DIP2C: variants seen among roughly 807,000 people sequenced by gnomAD.
The protein encoded by DIP2C is DIP2 acetate--CoA ligase C (putative).
In DIP2C, 33 loss-of-function variants were observed where a neutral mutation model predicts 192.4. The ratio of observed to expected loss-of-function variants is 0.17; its 90% CI spans 0.13 to 0.23. The LOEUF is 0.23. Among genes scored for constraint, DIP2C ranks in the 10% least tolerant of loss-of-function variants. The pLI, the probability that DIP2C is intolerant of heterozygous loss-of-function variation, is 1.00. For synonymous variants in DIP2C, 979 were observed against 864.1 expected, an observed-to-expected ratio of 1.13 and a Z score of -2.33; for missense variants, 1,537 against 2,110.1, an observed-to-expected ratio of 0.73 and a Z score of 5.32.
At chr10:677,947 G>A (rs898212327) in intron 1 of DIP2C, among the ~76,000 whole-genome samples, 5 of 152,228 alleles carry the variant, frequency 3.3e-5, no homozygotes, top group Admixed American at 6.5e-5. Context: ...GATGCCCCAC[G>A]TCACCAGTCC....
At chr10:324,229 T>G (rs1280707356) in intron 31 of DIP2C, among the ~76,000 whole-genome samples, 3 of 152,230 alleles carry the variant, frequency 2.0e-5, no homozygotes, top group African/African-American at 7.2e-5. Context: ...GGCACAAACT[T>G]TGTCATAAGT....
At chr10:488,880 C>A (rs61311809) in intron 1 of DIP2C, among the ~76,000 whole-genome samples, 25,162 of 152,138 alleles carry the variant, frequency 0.17, 4,052 homozygotes, top group African/African-American at 0.42. Context: ...CCAGGGTGCT[C>A]CTGCGTGTAC....
At chr10:378,352 T>G (rs1027578625) in intron 17 of DIP2C, among the ~76,000 whole-genome samples, 8 of 152,132 alleles carry the variant, frequency 5.3e-5, no homozygotes, top group Non-Finnish European at 1.2e-4. Flanking sequence ...CAGACACACA[T>G]GAAGGCACAC....
chr10:297,557 G>A (rs980326806), intron 32 of DIP2C, among the ~76,000 whole-genome samples: 6 of 152,160 alleles, frequency 3.9e-5, no homozygotes, highest in Non-Finnish European at 7.4e-5. Flanking sequence ...TAAATAAAGT[G>A]AAATAAGCCA....
chr10:400,734 G>A (rs1242162940), intron 9 of DIP2C, among the ~76,000 whole-genome samples: 2 of 150,300 alleles, frequency 1.3e-5, no homozygotes, highest in African/African-American at 5.0e-5. Flanking sequence ...GGTAGCATTA[G>A]CATTACTCTT....
At chr10:480,204 G>A (rs1327638356) in intron 2 of DIP2C, among the ~76,000 whole-genome samples, 3 of 147,164 alleles carry the variant, frequency 2.0e-5, no homozygotes, top group Non-Finnish European at 3.0e-5. Flanking sequence ...CTGGATGAGG[G>A]TCTCATCCAC....
At chr10:588,773 G>T (rs949999307) in intron 1 of DIP2C, among the ~76,000 whole-genome samples, 1 of 152,150 alleles carries the variant, frequency 6.6e-6, no homozygotes, top group African/African-American at 2.4e-5. Context: ...CTGCCAGGCT[G>T]GTACTCTCAC....
Position 344,935 on chromosome 10 carries a change from C to T in DIP2C, c.3344-17G>A. ...GCAAATCATCTGGAGAGGAACATGA[C>T]TATCAGCAGATCCAGCCTGAGCAAG... On this transcript the variant is annotated splice_polypyrimidine_tract_variant and intron_variant, in intron 27 of 36. Transcript: ENST00000280886. The T allele has an allele frequency of 1.2e-6, 2 of 1,603,784 alleles. No homozygotes were observed. The highest frequency in any genetic ancestry group is 1.7e-6 in the Non-Finnish European group (2 of 1,175,858).
chr10:650,541 G>A (rs1012193348), intron 1 of DIP2C: 39 of 656,028 alleles, frequency 5.9e-5, no homozygotes, highest in Middle Eastern at 5.0e-4. Context: ...CATGACAGCC[G>A]TGTCCCTGAG....
At chr10:331,119 G>C (rs567798967) in intron 29 of DIP2C, among the ~76,000 whole-genome samples, 26 of 151,706 alleles carry the variant, frequency 1.7e-4, no homozygotes. Context: ...AGAGGCCTAC[G>C]CAAAATTTTA....
At chr10:389,858 A>G (rs1206471635) in intron 13 of DIP2C, 133 bp downstream of exon 13, 7 of 731,764 alleles carry the variant, frequency 9.6e-6, no homozygotes, top group Admixed American at 7.5e-5. Flanking sequence ...TAACTCAACA[A>G]TAAGTTCATG....
rs1855903337 is a variant in DIP2C at position 651,509 on chromosome 10, CGTGAAG to C, written c.85+37979_85+37984del. The C allele has an allele frequency of 1.8e-6, 1 of 540,780 alleles. No homozygotes were observed. Among genetic ancestry groups the C allele is most frequent in the East Asian group, 3.5e-5 (1 of 28,282 alleles). The allele number at this position is 540,780 out of a possible 1,614,324, so 33.5% of individuals were successfully genotyped here. ...ACAATTATATGAAAATCCGTATCCACGTGAAGGTATTATGCAAAAAAAGCTTAACTT... is the reference window on the plus strand; with the variant it reads ...ACAATTATATGAAAATCCGTATCCACGTATTATGCAAAAAAAGCTTAACTT... On this transcript the variant is annotated intron_variant, in intron 1 of 36. Transcript: ENST00000280886. The surrounding 1 kb of genome is among the most constrained non-coding windows in gnomAD (Gnocchi z 4.1).
intron 1 of DIP2C, among the ~76,000 whole-genome samples, chr10:498,380 G>A (rs574089854): frequency 1.3e-5 from 2 of 152,264 alleles, no homozygotes; most frequent in East Asian, 3.9e-4. Flanking sequence ...AGAGCCCCTT[G>A]AATCTCCACA....
At chr10:495,301 T>C (rs1398560865) in intron 1 of DIP2C, among the ~76,000 whole-genome samples, 1 of 152,148 alleles carries the variant, frequency 6.6e-6, no homozygotes, top group Non-Finnish European at 1.5e-5. Flanking sequence ...GAATGTACAG[T>C]GTGGTAACTA....
chr10:470,382 G>A (rs117466879), intron 3 of DIP2C, among the ~76,000 whole-genome samples: 10 of 152,064 alleles, frequency 6.6e-5, no homozygotes, highest in Non-Finnish European at 4.4e-5. Context: ...CTGAAGTGTC[G>A]GTCTCCTCCA....
chr10:474,685 G>C (rs967945438), intron 2 of DIP2C, among the ~76,000 whole-genome samples: 8 of 152,330 alleles, frequency 5.3e-5, no homozygotes, highest in Non-Finnish European at 1.0e-4. Flanking sequence ...ACACTTGGGG[G>C]CCCCACACAT....
At chr10:507,470 C>G (rs1845691661) in intron 1 of DIP2C, among the ~76,000 whole-genome samples, 1 of 151,392 alleles carries the variant, frequency 6.6e-6, no homozygotes, top group African/African-American at 2.4e-5. Context: ...AGGTTACGGA[C>G]TTGGTCACTC....
At chr10:589,263 C>G (rs1851265083) in intron 1 of DIP2C, among the ~76,000 whole-genome samples, 1 of 152,110 alleles carries the variant, frequency 6.6e-6, no homozygotes, top group Non-Finnish European at 1.5e-5. Flanking sequence ...TTGTAGACAT[C>G]TTCTCCCTGT....
At chr10:577,270 A>G (rs1850227578) in intron 1 of DIP2C, among the ~76,000 whole-genome samples, 1 of 152,250 alleles carries the variant, frequency 6.6e-6, no homozygotes, top group South Asian at 2.1e-4. Context: ...GAGAACATGT[A>G]AATACAGTTT....
Sources: gnomAD v4.1 joint callset for allele counts (sites outside exome capture counted in the v4.1 genomes callset) on GRCh38, gnomAD v4.1.1 for gene constraint, Gnocchi (gnomAD v3.1) non-coding constraint, MANE v1.5 for transcripts, NCBI Gene and HGNC (gene_info 2026-07-23, HGNC 2026-07-21) for gene names.